Variants in MRPS28 observed in about 807,000 individuals in gnomAD.
MRPS28 encodes small ribosomal subunit protein bS1m.
MRPS28 carries 7 observed loss-of-function variants against 10.8 expected under a neutral mutation model. The ratio of observed to expected loss-of-function variants is 0.65; its 90% CI spans 0.37 to 1.22. MRPS28 has a LOEUF of 1.22. Among genes scored for constraint, MRPS28 ranks in the 50% most tolerant of loss-of-function variants. The pLI is 0.02. For missense variants in MRPS28, 265 were observed against 232.9 expected, an observed-to-expected ratio of 1.14 and a Z score of -0.90; for synonymous variants, 121 against 93.3, an observed-to-expected ratio of 1.30 and a Z score of -1.71.
rs1050339448 is a variant in MRPS28 at position 80,003,928 on chromosome 8, G to A, written c.214-748C>T. On this transcript the variant is annotated intron_variant, in intron 1 of 2. Coordinates refer to ENST00000276585, the MANE Select transcript of MRPS28 (RefSeq NM_014018.3). Reference sequence around the variant, plus strand: ...TGAGATCAAACTGCAAGGCAGCAACGAGGCTGGGGGACGGGCGCCCACCAT... The same window carrying A: ...TGAGATCAAACTGCAAGGCAGCAACAAGGCTGGGGGACGGGCGCCCACCAT... Among the ~76,000 whole-genome samples the A allele has an allele frequency of 5.3e-5, 8 of 152,316 alleles. No homozygotes were observed. In the East Asian group the frequency reaches 7.7e-4, roughly 15 times the overall value.
At chr8:79,988,165 C>T (rs1201406144) in intron 2 of MRPS28, among the ~76,000 whole-genome samples, 7 of 150,200 alleles carry the variant, frequency 4.7e-5, no homozygotes, top group Non-Finnish European at 8.9e-5. Context: ...AGTAAACTAT[C>T]GCAAGAACAA....
intron 2 of MRPS28, among the ~76,000 whole-genome samples, chr8:79,997,697 G>C (rs1313931970): frequency 1.3e-5 from 2 of 151,566 alleles, no homozygotes; most frequent in African/African-American, 4.8e-5. Context: ...AACCCTTTCT[G>C]TATTCAAATT....
chr8:79,921,035 A>C (rs539056693), intron 2 of MRPS28, among the ~76,000 whole-genome samples: 1 of 152,310 alleles, frequency 6.6e-6, no homozygotes, highest in Admixed American at 6.5e-5. Context: ...AGCACCATTT[A>C]TTAAAGAGGG....
intron 2 of MRPS28, among the ~76,000 whole-genome samples, chr8:79,964,911 A>G (rs1355052126): frequency 2.6e-5 from 4 of 152,066 alleles, no homozygotes; most frequent in Non-Finnish European, 5.9e-5. Context: ...CTACAAGAAC[A>G]TTCTTGCCAG....
intron 2 of MRPS28, among the ~76,000 whole-genome samples, chr8:79,988,909 T>C (rs934107311): frequency 7.2e-5 from 11 of 152,184 alleles, no homozygotes; most frequent in African/African-American, 2.4e-4. Flanking sequence ...CCCTCTAAAA[T>C]TGTATAAAGC....
intron 2 of MRPS28, among the ~76,000 whole-genome samples, chr8:79,920,188 C>G (rs1810049453): frequency 6.6e-6 from 1 of 152,126 alleles, no homozygotes; most frequent in African/African-American, 2.4e-5. Flanking sequence ...TCTAGTCTAT[C>G]ATTGTTGGAC....
At chr8:79,996,299 A>T (rs955567633) in intron 2 of MRPS28, among the ~76,000 whole-genome samples, 7 of 152,202 alleles carry the variant, frequency 4.6e-5, no homozygotes, top group African/African-American at 1.7e-4. Context: ...TATGATACAG[A>T]TCCATTACAA....
intron 1 of MRPS28, among the ~76,000 whole-genome samples, chr8:80,026,612 C>G (rs947945798): frequency 6.6e-6 from 1 of 152,202 alleles, no homozygotes; most frequent in Non-Finnish European, 1.5e-5. Flanking sequence ...ATAAGAAAGA[C>G]AAGGTCTCTG....
intron 1 of MRPS28, 53 bp downstream of exon 1, chr8:80,029,983 A>T (rs1809610591): frequency 1.3e-6 from 2 of 1,587,490 alleles, no homozygotes; most frequent in East Asian, 4.6e-5. Context: ...GACCCCGCCC[A>T]CCGCGTCGTT....
chr8:79,949,144 C>T (rs762058039), intron 2 of MRPS28, among the ~76,000 whole-genome samples: 9 of 151,914 alleles, frequency 5.9e-5, no homozygotes, highest in Non-Finnish European at 8.8e-5. Context: ...GGCTCGGTGC[C>T]GTGGCTCACA....
rs1554575867 is a variant in MRPS28 at position 80,028,645 on chromosome 8, C to CGGGCGGGGGGCGG, written c.213+1390_213+1391insCCGCCCCCCGCCC. 2 of 3,332 alleles carry CGGGCGGGGGGCGG rather than the reference C, an allele frequency of 6.0e-4. 1 individual carries two copies. Among genetic ancestry groups the CGGGCGGGGGGCGG allele is most frequent in the African/African-American group, 2.9e-3 (2 of 678 alleles). 0.2% of individuals were successfully genotyped at this position (3,332 alleles called of 1,614,324 possible). On this transcript the variant is annotated intron_variant, in intron 1 of 2. Coordinates refer to ENST00000276585, the MANE Select transcript of MRPS28 (RefSeq NM_014018.3). ...TCACAGGGATCTCAAAAGCAGAAGA[C>CGGGCGGGGGGCGG]GGGCGGGGGGGGCGGGGCCGGGCGG...
intron 2 of MRPS28, among the ~76,000 whole-genome samples, chr8:79,959,612 T>C (rs1807320688): frequency 6.6e-6 from 1 of 152,056 alleles, no homozygotes; most frequent in Non-Finnish European, 1.5e-5. Context: ...TTGCAGCAAA[T>C]AGAAATGTAA....
At chr8:79,963,182 A>G (rs1418326890) in intron 2 of MRPS28, among the ~76,000 whole-genome samples, 3 of 152,178 alleles carry the variant, frequency 2.0e-5, no homozygotes, top group Non-Finnish European at 4.4e-5. Flanking sequence ...AAGATTATTC[A>G]TGCTGGAGTC....
chr8:79,982,569 C>T (rs574052777), intron 2 of MRPS28, among the ~76,000 whole-genome samples: 4 of 152,286 alleles, frequency 2.6e-5, no homozygotes, highest in Admixed American at 6.5e-5. Context: ...CCTAATACTG[C>T]GCTTTTCCGA....
At chr8:79,931,168 G>T (rs1304935346) in intron 2 of MRPS28, among the ~76,000 whole-genome samples, 1 of 151,980 alleles carries the variant, frequency 6.6e-6, no homozygotes, top group Non-Finnish European at 1.5e-5. Context: ...ACTTATTTTT[G>T]TCTTCACCAT....
intron 2 of MRPS28, among the ~76,000 whole-genome samples, chr8:79,981,299 T>C (rs560252620): frequency 5.1e-4 from 77 of 152,124 alleles, no homozygotes; most frequent in Non-Finnish European, 9.7e-4. Context: ...CACTCCAGCC[T>C]GGGCAACACA....
intron 1 of MRPS28, among the ~76,000 whole-genome samples, chr8:80,004,811 A>C (rs2130170144): frequency 6.6e-6 from 1 of 152,362 alleles, no homozygotes; most frequent in East Asian, 1.9e-4. Context: ...GGAGCTGAAA[A>C]CCACGGCACA....
intron 2 of MRPS28, among the ~76,000 whole-genome samples, chr8:79,946,744 C>T (rs79564702): frequency 1.3e-5 from 2 of 152,000 alleles, no homozygotes; most frequent in African/African-American, 2.4e-5. Flanking sequence ...TGGAAAAAAA[C>T]GCTTCTCAGC....
chr8:79,919,362 AAAG>A lies in MRPS28; in HGVS notation c.396-217_396-215del, dbSNP rs529903618. ...AACTTTTTGTTTTGAAAAAAAAAAA[AAAG>A]AGTTTCACTCTGTTACCCAGGCGGG... On this transcript the variant is annotated intron_variant, in intron 2 of 2. Transcript: ENST00000276585. Among the ~76,000 whole-genome samples the A allele has an allele frequency of 8.4e-3, 1,275 of 152,186 alleles. 6 individuals are homozygous for A. Among genetic ancestry groups the A allele is most frequent in the Non-Finnish European group, 0.012 (827 of 68,002 alleles).
Sources: gnomAD v4.1 joint callset for allele counts (sites outside exome capture counted in the v4.1 genomes callset) on GRCh38, gnomAD v4.1.1 for gene constraint, MANE v1.5 for transcripts, NCBI Gene and HGNC (gene_info 2026-07-23, HGNC 2026-07-21) for gene names.